Variants in MAP3K5 observed in about 807,000 individuals in gnomAD.
MAP3K5 encodes mitogen-activated protein kinase kinase kinase 5, also known as ASK-1.
A neutral mutation model predicts 158.7 loss-of-function variants in MAP3K5; 56 were observed. The ratio of observed to expected loss-of-function variants is 0.35; its 90% confidence interval spans 0.28 to 0.44. The LOEUF (loss-of-function observed/expected upper bound fraction) is 0.44. Among genes scored for constraint, MAP3K5 ranks in the 20% least tolerant of loss-of-function variants. The pLI, the probability that MAP3K5 is intolerant of heterozygous loss-of-function variation, is 1.00. For synonymous variants in MAP3K5, 579 were observed against 601.7 expected (o/e 0.96, Z 0.55); for missense variants, 1,294 against 1,674.8 (o/e 0.77, Z 3.97).
Position 136,656,453 on chromosome 6 carries a change from T to C in MAP3K5, c.1534A>G (p.Lys512Glu), listed in dbSNP as rs2114440879. 6.4e-7 allele frequency: 1 copy of C among 1,566,500 alleles called. No homozygotes were observed. The highest frequency in any genetic ancestry group is 2.2e-5 in the East Asian group (1 of 44,464). The change falls in exon 10 of 30, where the codon AAG becomes GAG. Residue 512 changes from lysine (K) to glutamate (E), a missense_variant. Lys to Glu is a moderately conservative substitution (Grantham distance 56). This residue lies in a region of MAP3K5 where 690 missense variants were observed against 870.5 expected (regional missense o/e 0.79). Coordinates refer to ENST00000359015, the MANE Select transcript of MAP3K5 (RefSeq NM_005923.4). ...FKLKTPAWYL[K>E]SIVETILIYK... is the part of the protein sequence containing the mutation. ...ATTAAAATTGTCTCTACAATAGACT[T>C]GAGGTACCTGAGAAGGAAAAGATAT...
At chr6:136,761,330 G>A (rs1158636193) in intron 1 of MAP3K5, among the ~76,000 whole-genome samples, 3 of 150,852 alleles carry the variant, frequency 2.0e-5, no homozygotes, top group Non-Finnish European at 4.4e-5. Flanking sequence ...CAGGAGGCTG[G>A]CCACTAAAAT....
chr6:136,626,188 G>C (rs989928467), intron 14 of MAP3K5, among the ~76,000 whole-genome samples: 4 of 152,194 alleles, frequency 2.6e-5, no homozygotes, highest in African/African-American at 9.7e-5. Flanking sequence ...GTTTCCAACA[G>C]GTTTTCAGGC....
chr6:136,740,655 T>C (rs2114873881), intron 1 of MAP3K5, among the ~76,000 whole-genome samples: 1 of 152,348 alleles, frequency 6.6e-6, no homozygotes, highest in East Asian at 1.9e-4. Flanking sequence ...AAATGTTACC[T>C]GAAATTCCAC....
intron 6 of MAP3K5, among the ~76,000 whole-genome samples, chr6:136,694,734 C>T (rs1035013925): frequency 3.9e-5 from 6 of 152,200 alleles, no homozygotes; most frequent in Non-Finnish European, 8.8e-5. Flanking sequence ...ACTTAGCAAA[C>T]TCATTCACAG....
chr6:136,600,494 T>C (rs1237381571), intron 21 of MAP3K5, among the ~76,000 whole-genome samples: 1 of 152,106 alleles, frequency 6.6e-6, no homozygotes, highest in Admixed American at 6.6e-5. Flanking sequence ...ATGCCCAGCC[T>C]CATGTTCATT....
In MAP3K5 at chr6:136,720,565, T is replaced by C. The variant is rs1337205346; in HGVS notation, c.473A>G (p.Asp158Gly). The C allele has an allele frequency of 6.2e-7, 1 of 1,612,054 alleles. No individual in the cohort carries two copies. ...NADIAVVEMS[D>G]AFRQPSLFYH... ...AAACAAGGACGGCTGCCGGAAGGCA[T>C]CGCTCATCTCCACCACCGCAATATC... Residue 158 changes from aspartate to glycine, a missense_variant, in exon 2 of 30, where the codon GAT becomes GGT. Coordinates refer to ENST00000359015, the MANE Select transcript of MAP3K5 (RefSeq NM_005923.4).
chr6:136,624,150 C>A (rs1014898361), intron 14 of MAP3K5, among the ~76,000 whole-genome samples: 1 of 151,864 alleles, frequency 6.6e-6, no homozygotes, highest in African/African-American at 2.4e-5. Context: ...GCTGAGATGG[C>A]GACACTGCAC....
At chr6:136,565,667 C>T (rs568291344) in intron 26 of MAP3K5, among the ~76,000 whole-genome samples, 53 of 152,286 alleles carry the variant, frequency 3.5e-4, no homozygotes, top group African/African-American at 1.1e-3. Flanking sequence ...ATTCATTTTG[C>T]GGTAGGTATG....
chr6:136,578,537 G>C (rs985943129), intron 25 of MAP3K5, among the ~76,000 whole-genome samples: 1 of 151,866 alleles, frequency 6.6e-6, no homozygotes, highest in African/African-American at 2.4e-5. Flanking sequence ...TTTCCAAGGA[G>C]AGAGAATAAC....
chr6:136,787,617 C>A (rs573893908), intron 1 of MAP3K5, among the ~76,000 whole-genome samples: 1 of 152,174 alleles, frequency 6.6e-6, no homozygotes, highest in African/African-American at 2.4e-5. Context: ...GCATCCCATG[C>A]CACCTTGCCT....
chr6:136,611,055 A>G (rs1292718669), intron 18 of MAP3K5, among the ~76,000 whole-genome samples: 1 of 134,254 alleles, frequency 7.4e-6, no homozygotes, highest in Non-Finnish European at 1.6e-5. Flanking sequence ...CTGCAGTGAT[A>G]GGTGATCACA....
At chr6:136,631,897 T>TTA (rs1225020081) in intron 14 of MAP3K5, among the ~76,000 whole-genome samples, 1 of 151,872 alleles carries the variant, frequency 6.6e-6, no homozygotes, top group African/African-American at 2.4e-5. Flanking sequence ...GGCTACCAGA[T>TTA]TACAATGCAT....
chr6:136,755,852 G>C (rs1197845256), intron 1 of MAP3K5, among the ~76,000 whole-genome samples: 1 of 151,978 alleles, frequency 6.6e-6, no homozygotes, highest in Admixed American at 6.6e-5. Context: ...AAGAAGCAAG[G>C]AGTCAAAGAT....
chr6:136,707,584 A>C (rs74924172), intron 2 of MAP3K5, among the ~76,000 whole-genome samples: 2,237 of 152,198 alleles, frequency 0.015, 46 homozygotes, highest in African/African-American at 0.052. Context: ...CCTTGAACGT[A>C]GTCATTTGGC....
At chr6:136,685,436 A>G (rs1462475446) in intron 7 of MAP3K5, among the ~76,000 whole-genome samples, 2 of 152,206 alleles carry the variant, frequency 1.3e-5, no homozygotes, top group African/African-American at 2.4e-5. Context: ...CTGTAGCACT[A>G]AAACGCTGCC....
chr6:136,698,403 C>G, intron 4 of MAP3K5, 86 bp downstream of exon 4: 1 of 1,150,536 alleles, frequency 8.7e-7, no homozygotes, highest in East Asian at 2.5e-5. Flanking sequence ...ACTGATATCT[C>G]AGGAGCACCT....
intron 1 of MAP3K5, among the ~76,000 whole-genome samples, chr6:136,774,897 G>A (rs984068937): frequency 6.6e-6 from 1 of 152,136 alleles, no homozygotes; most frequent in Non-Finnish European, 1.5e-5. Flanking sequence ...TCTAACAAAA[G>A]GTTTTTCATT....
intron 1 of MAP3K5, among the ~76,000 whole-genome samples, chr6:136,759,915 G>C (rs2114962943): frequency 6.6e-6 from 1 of 152,064 alleles, no homozygotes; most frequent in South Asian, 2.1e-4. Context: ...GCAATGTTTT[G>C]GGGGCAGTGG....
At chr6:136,727,517 C>G (rs1423640937) in intron 1 of MAP3K5, among the ~76,000 whole-genome samples, 1 of 152,204 alleles carries the variant, frequency 6.6e-6, no homozygotes, top group Non-Finnish European at 1.5e-5. Context: ...CAGAAATTCA[C>G]AAGTTCAGAA....
Sources: gnomAD v4.1 joint callset for allele counts (sites outside exome capture counted in the v4.1 genomes callset) on GRCh38, gnomAD v4.1.1 for gene constraint, gnomAD v4.1.1 regional missense constraint, MANE v1.5 for transcripts, NCBI Gene and HGNC (gene_info 2026-07-23, HGNC 2026-07-21) for gene names.